The following CHD8 variants were observed in gnomAD, a reference collection of about 807,000 sequenced individuals.
CHD8 encodes the protein chromodomain helicase DNA binding protein 8.
CHD8 carries 31 observed loss-of-function variants against 279.2 expected under a neutral mutation model. That is an observed-to-expected ratio of 0.11 (90% CI 0.08 to 0.15). CHD8 has a LOEUF of 0.15. CHD8 is among the 10% of genes least tolerant of loss of function. The pLI is 1.00. For missense variants in CHD8, 2,146 were observed against 3,230.5 expected, an observed-to-expected ratio of 0.66 and a Z score of 8.14; for synonymous variants, 1,081 against 1,139.6, an observed-to-expected ratio of 0.95 and a Z score of 1.04.
At chr14:21,452,076 C>G (rs1044847593) in intron 1 of CHD8, among the ~76,000 whole-genome samples, 4 of 152,170 alleles carry the variant, frequency 2.6e-5, no homozygotes, top group African/African-American at 9.6e-5. Context: ...GAGTCTCGCT[C>G]TGTCACCAGG....
intron 28 of CHD8, 122 bp from the exon 29 acceptor site, chr14:21,395,474 A>G: frequency 3.0e-6 from 2 of 674,064 alleles, no homozygotes; most frequent in Non-Finnish European, 2.6e-6. Context: ...AAAAACTTCT[A>G]AAGAAATATA....
At chr14:21,413,825 C>T (rs1011937409) in intron 9 of CHD8, 102 of 154,480 alleles carry the variant, frequency 6.6e-4, no homozygotes, top group African/African-American at 2.0e-3. Context: ...CAAGGATGAA[C>T]GCCGCAAATA....
At chr14:21,393,290 T>G in intron 32 of CHD8, 36 bp from the exon 33 acceptor site, 1 of 1,611,882 alleles carries the variant, frequency 6.2e-7, no homozygotes, top group Non-Finnish European at 8.5e-7. Flanking sequence ...TGAGAAAAGA[T>G]GGAAGAATAA....
At chr14:21,431,946 A>G in intron 1 of CHD8, 88 bp from the exon 2 acceptor site, 1 of 771,792 alleles carries the variant, frequency 1.3e-6, no homozygotes, top group Non-Finnish European at 2.3e-6. Flanking sequence ...TGTTCTTAAT[A>G]TCAAATAGCA....
intron 34 of CHD8, chr14:21,392,230 T>C (rs1255428335): frequency 2.6e-6 from 2 of 754,766 alleles, no homozygotes; most frequent in Non-Finnish European, 4.8e-6. Flanking sequence ...GTCTCCGTAT[T>C]AGCATGGCAA....
chr14:21,399,734 C>T (rs1011588742), intron 25 of CHD8, 29 bp from the exon 26 acceptor site: 3 of 1,428,328 alleles, frequency 2.1e-6, no homozygotes, highest in Admixed American at 1.7e-5. Flanking sequence ...AGAGTCAGCA[C>T]AGAAATGCAG....
chr14:21,426,404 A>AG, intron 4 of CHD8, 162 bp from the exon 5 acceptor site: 7 of 584,036 alleles, frequency 1.2e-5, no homozygotes, highest in Non-Finnish European at 2.1e-5. Flanking sequence ...TTTGAAAAAA[A>AG]GAAGATATTA....
At chr14:21,406,813 T>C (rs1469054393) in intron 14 of CHD8, 43 bp downstream of exon 14, 1 of 1,538,072 alleles carries the variant, frequency 6.5e-7, no homozygotes, top group Admixed American at 1.9e-5. Context: ...GGAATTACGG[T>C]TTATTCCAGG....
chr14:21,386,063 G>A lies in CHD8; in HGVS notation c.7296C>T (p.Leu2432=). The part of the protein sequence containing the change: ...MRPDLSKMMA[L]MQGGSTGSLS... Reference sequence around the variant, plus strand: ...GAGACCCAGTGCTTCCACCCTGCATGAGGGCCATCATCTTAGAAAGGTCTG... The same window carrying A: ...GAGACCCAGTGCTTCCACCCTGCATAAGGGCCATCATCTTAGAAAGGTCTG... Residue 2432 remains leucine (L), a synonymous_variant, in exon 38 of 38, where the codon CTC becomes CTT. Transcript: ENST00000646647. 1 of 1,588,126 alleles carries A rather than the reference G, an allele frequency of 6.3e-7. No individual in the cohort carries two copies. Among genetic ancestry groups the A allele is most frequent in the Non-Finnish European group, 8.6e-7 (1 of 1,166,754 alleles).
intron 26 of CHD8, chr14:21,398,979 C>T (rs1383619249): frequency 2.4e-6 from 1 of 421,360 alleles, no homozygotes; most frequent in African/African-American, 2.1e-5. Flanking sequence ...TGAGGTCCAG[C>T]CGAGTGACAC....
intron 5 of CHD8, among the ~76,000 whole-genome samples, chr14:21,421,882 G>A (rs1889060394): frequency 6.6e-6 from 1 of 152,172 alleles, no homozygotes; most frequent in Non-Finnish European, 1.5e-5. Context: ...ACAGAAGGAA[G>A]AAATTTGGAC....
chr14:21,437,046 C>A, intron 1 of CHD8: 129 of 613,340 alleles, frequency 2.1e-4, no homozygotes, highest in Admixed American at 1.4e-3. Flanking sequence ...TGGGGATGGC[C>A]AAGACGGGAA....
chr14:21,437,367 T>C (rs1291839317), intron 1 of CHD8: 2 of 657,830 alleles, frequency 3.0e-6, no homozygotes, highest in African/African-American at 1.9e-5. Flanking sequence ...AGGGTGGGAC[T>C]ATAAGGAGCT....
chr14:21,452,402 G>C (rs1250271460), intron 1 of CHD8, among the ~76,000 whole-genome samples: 7 of 152,088 alleles, frequency 4.6e-5, no homozygotes, highest in African/African-American at 1.7e-4. Context: ...TGGCACTTTG[G>C]GAGGCCGAGG....
chr14:21,391,128 A>G lies in CHD8; in HGVS notation c.7066-65T>C. 2.9e-6 allele frequency: 3 copies of G among 1,033,746 alleles called. 1 individual carries two copies. The South Asian group carries it at 4.1e-5, about 14-fold the overall frequency. 64.0% of individuals were successfully genotyped at this position (1,033,746 alleles called of 1,614,324 possible). On this transcript the variant is annotated intron_variant, in intron 36 of 37. Coordinates refer to ENST00000646647, the MANE Select transcript of CHD8 (RefSeq NM_001170629.2). ...TCTTCTCTGGAGTAATTATTAAAGT[A>G]CTAGTGTCTTTTGTTTGATAATAAA...
At chr14:21,409,130 A>G (rs912455163) in intron 11 of CHD8, among the ~76,000 whole-genome samples, 1 of 152,228 alleles carries the variant, frequency 6.6e-6, no homozygotes, top group Non-Finnish European at 1.5e-5. Context: ...GCTTTCTACA[A>G]CATTAAAAAT....
Position 21,394,856 on chromosome 14 carries a change from G to C in CHD8, c.5390+56C>G. 8 of 1,552,428 alleles carry C rather than the reference G, an allele frequency of 5.2e-6. No individual in the cohort carries two copies. In the South Asian group the frequency reaches 9.1e-5, roughly 18 times the overall value. ...TAAATCCTTCCTGAGATGGCTTTCA[G>C]TATAGGGACCATAACTGAAAACACA... On this transcript the variant is annotated intron_variant, in intron 30 of 37. Coordinates refer to ENST00000646647, the MANE Select transcript of CHD8 (RefSeq NM_001170629.2).
In CHD8 at chr14:21,400,708, TA is replaced by T; in HGVS notation, c.4371-97del. The T allele has an allele frequency of 7.6e-7, 1 of 1,311,006 alleles. No homozygotes were observed. The highest frequency in any genetic ancestry group is 1.0e-6 in the Non-Finnish European group (1 of 970,266). The allele number at this position is 1,311,006 out of a possible 1,614,324, so 81.2% of individuals were successfully genotyped here. A position where few individuals can be genotyped will look rare whatever the true frequency, so the allele number is the denominator to read the frequency against. On this transcript the variant is annotated intron_variant, in intron 22 of 37. Transcript: ENST00000646647. This position sits in a 1 kb window ranked among gnomAD's most constrained non-coding sequence, Gnocchi z 4.2. ...CTGAAAAGGTGTGAAACAAAGATCT[TA>T]AAAAACATGGTAACAGAATAAACAG...
At position 21,395,882 on chromosome 14, in the gene CHD8, C is replaced by T; in HGVS notation, c.5062G>A (p.Asp1688Asn). 2 of 1,609,396 alleles carry T rather than the reference C, an allele frequency of 1.2e-6. No individual in the cohort carries two copies. Among genetic ancestry groups the T allele is most frequent in the Non-Finnish European group, 1.7e-6 (2 of 1,176,192 alleles). The part of the protein sequence containing the change: ...FSDIVEGVDF[D>N]KDCEDPEYKP... ...TATTCAGGATCTTCACAATCTTTAT[C>T]AAAGTCAACCCTAAAATTATGGAGA... is the stretch of plus-strand genomic sequence containing the variant. The change falls in exon 28 of 38, where the codon GAT becomes AAT. Residue 1688 changes from aspartate to asparagine, a missense_variant. By Grantham distance (23) the Asp-to-Asn change is conservative (BLOSUM62 1). This residue lies in a region of CHD8 where 75 missense variants were observed against 81.3 expected (regional missense o/e 0.92). Transcript: ENST00000646647.
Sources: allele counts gnomAD v4.1 joint callset (sites outside exome capture counted in the v4.1 genomes callset), GRCh38; gene constraint gnomAD v4.1.1; regional missense constraint gnomAD v4.1.1; non-coding constraint Gnocchi (gnomAD v3.1); transcripts MANE v1.5; gene names NCBI Gene and HGNC (gene_info 2026-07-23, HGNC 2026-07-21).